Variants in KLF12 observed in about 807,000 individuals in gnomAD.
KLF12 encodes the protein KLF transcription factor 12.
A neutral mutation model predicts 37.8 loss-of-function variants in KLF12; 9 were observed. The ratio of observed to expected loss-of-function variants is 0.24; its 90% confidence interval spans 0.14 to 0.42. The LOEUF is 0.42. KLF12 is among the 10% of genes least tolerant of loss of function. The pLI, the probability that KLF12 is intolerant of heterozygous loss-of-function variation, is 1.00. For missense variants in KLF12, 411 were observed against 516.0 expected (o/e 0.80, Z 1.97); for synonymous variants, 208 against 202.1 (o/e 1.03, Z -0.25).
chr13:74,251,517 T>C, the KLF12 span, among the ~76,000 whole-genome samples: 2 of 152,200 alleles, frequency 1.3e-5, no homozygotes, highest in Non-Finnish European at 2.9e-5. Flanking sequence ...TCATTGTGGC[T>C]GGACCCCTGC....
chr13:73,939,589 T>C (rs560999851), intron 3 of KLF12, among the ~76,000 whole-genome samples: 29 of 152,310 alleles, frequency 1.9e-4, no homozygotes, highest in Admixed American at 1.6e-3. Context: ...AAATCTCTAC[T>C]AGATACTTCA....
At chr13:73,815,901 T>C (rs1883189191) in intron 4 of KLF12, among the ~76,000 whole-genome samples, 1 of 152,232 alleles carries the variant, frequency 6.6e-6, no homozygotes. Flanking sequence ...TGTTACATGA[T>C]CATCTAATTA....
At chr13:74,161,371 T>C in the KLF12 span, among the ~76,000 whole-genome samples, 28 of 152,172 alleles carry the variant, frequency 1.8e-4, no homozygotes, top group African/African-American at 6.5e-4. Flanking sequence ...GCCCTAAATT[T>C]AAAGCCTGGT....
the KLF12 span, among the ~76,000 whole-genome samples, chr13:74,176,259 T>A: frequency 1.3e-5 from 2 of 152,184 alleles, no homozygotes; most frequent in African/African-American, 2.4e-5. Context: ...ATTGTATAAA[T>A]ACTCCTTGCC....
intron 1 of KLF12, among the ~76,000 whole-genome samples, chr13:74,005,497 T>C (rs1219565433): frequency 6.6e-6 from 1 of 152,142 alleles, no homozygotes; most frequent in African/African-American, 2.4e-5. Context: ...CACCAATAAA[T>C]CAAATCTGTG....
intron 6 of KLF12, among the ~76,000 whole-genome samples, chr13:73,754,224 C>T (rs902289422): frequency 1.3e-5 from 2 of 152,082 alleles, no homozygotes; most frequent in Non-Finnish European, 2.9e-5. Context: ...AGGCTTCTTT[C>T]CATTTAAAAA....
the KLF12 span, among the ~76,000 whole-genome samples, chr13:74,299,142 G>A: frequency 1.3e-5 from 2 of 152,218 alleles, no homozygotes; most frequent in African/African-American, 2.4e-5. Context: ...GCTGACACAT[G>A]TTTTGGGCGG....
rs149442585 is a variant in KLF12 at position 73,833,319 on chromosome 13, T to C, written c.670+12508A>G. Among the ~76,000 whole-genome samples the C allele has an allele frequency of 4.1e-3, 622 of 152,334 alleles. 7 individuals are homozygous for C. Among genetic ancestry groups the C allele is most frequent in the African/African-American group, 0.014 (601 of 41,576 alleles). ...AAGAATATTTCTTACCCACAGGAGT[T>C]CATCTCCAGAAACTACTAAAACCTA... is the stretch of plus-strand genomic sequence containing the variant. On this transcript the variant is annotated intron_variant, in intron 4 of 7. Coordinates refer to ENST00000377669, the MANE Select transcript of KLF12 (RefSeq NM_007249.5).
intron 3 of KLF12, among the ~76,000 whole-genome samples, chr13:73,908,400 TC>T (rs1888407235): frequency 1.6e-5 from 1 of 60,890 alleles, no homozygotes; most frequent in African/African-American, 6.6e-5. Flanking sequence ...AGACTCTGTC[TC>T]AAAAAAAAAA....
At chr13:74,104,889 T>A (rs1019360649) in intron 1 of KLF12, among the ~76,000 whole-genome samples, 3 of 152,150 alleles carry the variant, frequency 2.0e-5, no homozygotes, top group African/African-American at 4.8e-5. Context: ...TTGGGTTAGG[T>A]TCCCCCCTCC....
intron 4 of KLF12, among the ~76,000 whole-genome samples, chr13:73,827,430 T>G (rs749170931): frequency 6.6e-5 from 10 of 152,194 alleles, no homozygotes; most frequent in Admixed American, 2.0e-4. Flanking sequence ...ATATTAAAAT[T>G]TTTCTGAAGT....
At chr13:74,040,936 CA>C (rs1395458512) in intron 1 of KLF12, among the ~76,000 whole-genome samples, 1 of 152,150 alleles carries the variant, frequency 6.6e-6, no homozygotes, top group East Asian at 1.9e-4. Context: ...TATTAGTTGC[CA>C]AGTCCTACAA....
chr13:73,915,216 C>T (rs1336202760), intron 3 of KLF12, among the ~76,000 whole-genome samples: 1 of 152,186 alleles, frequency 6.6e-6, no homozygotes, highest in African/African-American at 2.4e-5. Flanking sequence ...TACAAAGGCC[C>T]TTGGGATTTC....
chr13:73,979,042 G>A (rs1439921253), intron 2 of KLF12, among the ~76,000 whole-genome samples: 1 of 152,194 alleles, frequency 6.6e-6, no homozygotes, highest in African/African-American at 2.4e-5. Context: ...GAGCACTGAG[G>A]ATTTTCATGG....
At chr13:74,200,816 T>C in the KLF12 span, among the ~76,000 whole-genome samples, 1 of 152,104 alleles carries the variant, frequency 6.6e-6, no homozygotes, top group Non-Finnish European at 1.5e-5. Context: ...AGTTTTTTAA[T>C]TGCAAACCCT....
At chr13:73,919,882 C>T (rs1021127533) in intron 3 of KLF12, among the ~76,000 whole-genome samples, 2 of 152,152 alleles carry the variant, frequency 1.3e-5, no homozygotes, top group Non-Finnish European at 2.9e-5. Flanking sequence ...TGAGAAATAT[C>T]GAAGCTTATT....
At chr13:74,240,357 C>G in the KLF12 span, among the ~76,000 whole-genome samples, 6 of 113,860 alleles carry the variant, frequency 5.3e-5, no homozygotes, top group Admixed American at 9.2e-5. Context: ...CCCGACCTTT[C>G]TCTCTGGCTG....
the KLF12 span, among the ~76,000 whole-genome samples, chr13:74,224,009 G>T: frequency 6.6e-6 from 1 of 152,116 alleles, no homozygotes; most frequent in South Asian, 2.1e-4. Flanking sequence ...TGAAACATTA[G>T]CTGGCCCTCC....
the KLF12 span, among the ~76,000 whole-genome samples, chr13:74,269,982 G>A: frequency 0.43 from 65,431 of 152,078 alleles, 16,932 homozygotes; most frequent in East Asian, 0.75. Flanking sequence ...AGGGAAGTCT[G>A]TGGAGGTGGC....
Sources: allele counts gnomAD v4.1 joint callset (sites outside exome capture counted in the v4.1 genomes callset), GRCh38; gene constraint gnomAD v4.1.1; transcripts MANE v1.5; gene names NCBI Gene and HGNC (gene_info 2026-07-23, HGNC 2026-07-21).